The following AKAP13 variants were observed in gnomAD, a reference collection of about 807,000 sequenced individuals.
AKAP13 encodes the protein A-kinase anchoring protein 13.
Under a neutral mutation model 264.5 loss-of-function variants are expected in AKAP13, and 80 were observed. The observed-to-expected ratio is 0.30, with a 90% CI of 0.25 to 0.36. AKAP13 has a LOEUF of 0.36. Ranked by LOEUF, AKAP13 falls within the 10% of genes least tolerant of loss-of-function variation. AKAP13 has a pLI of 1.00. For synonymous variants in AKAP13, 1,380 were observed against 1,250.2 expected (o/e 1.10, Z -2.19); for missense variants, 3,712 against 3,435.2 (o/e 1.08, Z -2.01).
chr15:85,716,551 A>G (rs1025376113), intron 20 of AKAP13, among the ~76,000 whole-genome samples: 8 of 152,324 alleles, frequency 5.3e-5, no homozygotes, highest in African/African-American at 1.9e-4. Context: ...TGAATAAGCC[A>G]TTTCAAATGT....
intron 1 of AKAP13, among the ~76,000 whole-genome samples, chr15:85,456,870 A>G (rs1020462219): frequency 1.3e-5 from 2 of 152,150 alleles, no homozygotes; most frequent in Admixed American, 6.5e-5. Flanking sequence ...GTTCTTGTTG[A>G]GATCATGAAC....
chr15:85,476,800 C>T (rs1294258705), intron 1 of AKAP13, among the ~76,000 whole-genome samples: 4 of 152,194 alleles, frequency 2.6e-5, no homozygotes, highest in South Asian at 2.1e-4. Flanking sequence ...CTGCAATCAT[C>T]CTTTCCTTTA....
At chr15:85,634,118 A>G (rs1366696036) in intron 8 of AKAP13, among the ~76,000 whole-genome samples, 2 of 152,206 alleles carry the variant, frequency 1.3e-5, no homozygotes, top group East Asian at 3.8e-4. Context: ...TCTCTGTAAT[A>G]GTAAAATAGC....
chr15:85,444,814 C>T (rs941567188), intron 1 of AKAP13, among the ~76,000 whole-genome samples: 3 of 152,132 alleles, frequency 2.0e-5, no homozygotes, highest in Non-Finnish European at 4.4e-5. Flanking sequence ...TTTTGGACCT[C>T]TTACTTCCTG....
intron 2 of AKAP13, among the ~76,000 whole-genome samples, chr15:85,502,122 A>T (rs1038374): frequency 0.24 from 37,138 of 151,980 alleles, 4,798 homozygotes; most frequent in African/African-American, 0.33. Context: ...GGGGTGAAAA[A>T]TTGCATTTCT....
intron 1 of AKAP13, among the ~76,000 whole-genome samples, chr15:85,441,722 G>A (rs896501858): frequency 1.3e-5 from 2 of 151,832 alleles, no homozygotes; most frequent in African/African-American, 4.8e-5. Context: ...TTTGCATGTG[G>A]ATATTTGCTT....
At chr15:85,668,992 CTT>C (rs1192124679) in intron 13 of AKAP13, among the ~76,000 whole-genome samples, 3 of 152,086 alleles carry the variant, frequency 2.0e-5, no homozygotes, top group African/African-American at 4.8e-5. Context: ...AATCCCAACA[CTT>C]TGGGAGGCCG....
chr15:85,736,208 T>C, intron 33 of AKAP13, 74 bp downstream of exon 33: 3 of 487,580 alleles, frequency 6.2e-6, no homozygotes, highest in Non-Finnish European at 6.1e-6. Context: ...TGTTTTTTCC[T>C]TTTTTTTTTT....
At position 85,743,523 on chromosome 15, in the gene AKAP13, T is replaced by A; in HGVS notation, c.8090T>A (p.Ile2697Asn). ...CATCCACATACCAAGCTGATGAGGA[T>A]CCCATCGTTCTTCCCCAGTCCTGAG... ...VSHPHTKLMR[I>N]PSFFPSPEEP... Residue 2697 changes from isoleucine to asparagine, a missense_variant, in exon 36 of 37, where the codon ATC becomes AAC. By Grantham distance (149) the Ile-to-Asn change is moderately radical (BLOSUM62 -3). Transcript: ENST00000394518. The A allele has an allele frequency of 6.2e-7, 1 of 1,614,134 alleles. No homozygotes were observed. The highest frequency in any genetic ancestry group is 8.5e-7 in the Non-Finnish European group (1 of 1,180,022).
intron 8 of AKAP13, among the ~76,000 whole-genome samples, chr15:85,616,340 C>A (rs776239557): frequency 5.9e-5 from 9 of 152,148 alleles, no homozygotes; most frequent in Admixed American, 1.3e-4. Context: ...TTAAGTAAAT[C>A]AAATGAAAAT....
chr15:85,569,466 T>C (rs2078727630), intron 5 of AKAP13, among the ~76,000 whole-genome samples: 1 of 150,892 alleles, frequency 6.6e-6, no homozygotes, highest in African/African-American at 2.4e-5. Context: ...TTTTTTTTTT[T>C]TTTGAGACAG....
chr15:85,429,329 G>T (rs2072929849), intron 1 of AKAP13, among the ~76,000 whole-genome samples: 1 of 152,148 alleles, frequency 6.6e-6, no homozygotes. Context: ...AAGACTAATG[G>T]TCCATCTGGG....
chr15:85,437,482 C>T (rs1441972566), intron 1 of AKAP13, among the ~76,000 whole-genome samples: 1 of 151,402 alleles, frequency 6.6e-6, no homozygotes, highest in African/African-American at 2.4e-5. Context: ...AGGCCAGCAT[C>T]ATTCTGATAC....
rs936941324 is a variant in AKAP13 at position 85,708,245 on chromosome 15, T to A, written c.5532+159T>A. Reference sequence around the variant, plus strand: ...TATAACTAAAAAATATTTTTTCTCTTAAGCGATCAATCTTCTTCTTGAGTA... The same window carrying A: ...TATAACTAAAAAATATTTTTTCTCTAAAGCGATCAATCTTCTTCTTGAGTA... On this transcript the variant is annotated intron_variant, in intron 18 of 36. Coordinates refer to ENST00000394518, the MANE Select transcript of AKAP13 (RefSeq NM_007200.5). This position sits in a 1 kb window ranked among gnomAD's most constrained non-coding sequence, Gnocchi z 4.3. Among the ~76,000 whole-genome samples the A allele has an allele frequency of 1.3e-5, 2 of 152,266 alleles. No homozygotes were observed. The highest frequency in any genetic ancestry group is 2.9e-5 in the Non-Finnish European group (2 of 68,048).
At chr15:85,493,886 A>G (rs2075801319) in intron 2 of AKAP13, among the ~76,000 whole-genome samples, 1 of 152,228 alleles carries the variant, frequency 6.6e-6, no homozygotes, top group Non-Finnish European at 1.5e-5. Context: ...CATTTCTTAA[A>G]TAACCATGTG....
At chr15:85,440,683 A>G (rs1274576957) in intron 1 of AKAP13, among the ~76,000 whole-genome samples, 3 of 152,200 alleles carry the variant, frequency 2.0e-5, no homozygotes, top group Admixed American at 6.5e-5. Context: ...AGGGCGTTGC[A>G]TCAAGTTCTC....
At chr15:85,573,791 G>GA (rs80040720) in intron 5 of AKAP13, among the ~76,000 whole-genome samples, 38,205 of 151,728 alleles carry the variant, frequency 0.25, 4,979 homozygotes, top group East Asian at 0.37. Flanking sequence ...TAGAAAAATA[G>GA]AAAAAAGTAG....
intron 16 of AKAP13, among the ~76,000 whole-genome samples, chr15:85,688,007 G>T (rs2085044456): frequency 6.8e-6 from 1 of 146,772 alleles, no homozygotes; most frequent in Non-Finnish European, 1.5e-5. Context: ...TCCAGCCTGG[G>T]CAATGGAGCA....
Position 85,727,322 on chromosome 15 carries a change from T to C in AKAP13, c.7005-59T>C. On this transcript the variant is annotated intron_variant, in intron 28 of 36. Coordinates refer to ENST00000394518, the MANE Select transcript of AKAP13 (RefSeq NM_007200.5). This position sits in a 1 kb window ranked among gnomAD's most constrained non-coding sequence, Gnocchi z 5.3. ...TGTGATTTCATAACAGGCTGGACTG[T>C]GACCAGAGTAATTGACATCTTAGGA... The C allele has an allele frequency of 6.2e-7, 1 of 1,613,558 alleles. No individual in the cohort carries two copies. Among genetic ancestry groups the C allele is most frequent in the Non-Finnish European group, 8.5e-7 (1 of 1,179,614 alleles).
Sources: gnomAD v4.1 joint callset for allele counts (sites outside exome capture counted in the v4.1 genomes callset) on GRCh38, gnomAD v4.1.1 for gene constraint, Gnocchi (gnomAD v3.1) non-coding constraint, MANE v1.5 for transcripts, NCBI Gene and HGNC (gene_info 2026-07-23, HGNC 2026-07-21) for gene names.